Variants in ANO5 observed in about 807,000 individuals in gnomAD.
ANO5 encodes the protein anoctamin-5.
A neutral mutation model predicts 121.0 loss-of-function variants in ANO5; 109 were observed. The ratio of observed to expected loss-of-function variants is 0.90; its 90% CI spans 0.77 to 1.06. The LOEUF (loss-of-function observed/expected upper bound fraction) is 1.06, where lower values mean the gene tolerates loss of function less well. ANO5 is among the 50% of genes least tolerant of loss of function. ANO5 has a pLI of 0.00. For missense variants in ANO5, 1,064 were observed against 1,078.5 expected (o/e 0.99, Z 0.19); for synonymous variants, 406 against 359.9 (o/e 1.13, Z -1.45).
chr11:22,211,998 T>C (rs997605572), intron 3 of ANO5, among the ~76,000 whole-genome samples: 187 of 108,616 alleles, frequency 1.7e-3, no homozygotes, highest in African/African-American at 0.013. Context: ...ATTTTTACTT[T>C]TTTTTTTTTA....
intron 1 of ANO5, 120 bp from the exon 2 acceptor site, chr11:22,203,684 A>G (rs542095641): frequency 2.4e-5 from 15 of 626,664 alleles, no homozygotes; most frequent in Admixed American, 1.5e-4. Flanking sequence ...CTTTTCTTCT[A>G]GTATTTTTTC....
chr11:22,196,482 A>G (rs1482679624), intron 1 of ANO5, among the ~76,000 whole-genome samples: 2 of 147,972 alleles, frequency 1.4e-5, no homozygotes, highest in African/African-American at 5.0e-5. Context: ...AGATGTATGA[A>G]AAGTTCATTG....
intron 7 of ANO5, among the ~76,000 whole-genome samples, chr11:22,227,848 A>C (rs890020033): frequency 6.6e-6 from 1 of 152,082 alleles, no homozygotes; most frequent in African/African-American, 2.4e-5. Context: ...ATATTGGAAA[A>C]AGCAATTAAT....
chr11:22,260,529 T>A (rs1732780209), intron 15 of ANO5, among the ~76,000 whole-genome samples: 3 of 152,294 alleles, frequency 2.0e-5, no homozygotes, highest in South Asian at 4.1e-4. Context: ...ATCTTCAAAT[T>A]TGGAGTTCTC....
intron 18 of ANO5, among the ~76,000 whole-genome samples, chr11:22,272,017 T>C (rs1216409557): frequency 6.6e-6 from 1 of 152,092 alleles, no homozygotes; most frequent in Non-Finnish European, 1.5e-5. Flanking sequence ...ATAACGGAAA[T>C]TTTTTTCCTT....
chr11:22,259,911 A>G (rs1247045997), intron 15 of ANO5, among the ~76,000 whole-genome samples, 170 bp downstream of exon 15: 1 of 150,790 alleles, frequency 6.6e-6, no homozygotes, highest in Non-Finnish European at 1.5e-5. Flanking sequence ...AAGAGCCACC[A>G]TTCAAGGTCC....
At chr11:22,267,833 A>T (rs1344555262) in intron 17 of ANO5, among the ~76,000 whole-genome samples, 2 of 151,998 alleles carry the variant, frequency 1.3e-5, no homozygotes. Context: ...TGTTTTCATC[A>T]TTTAGCTCCC....
intron 7 of ANO5, among the ~76,000 whole-genome samples, chr11:22,230,752 C>G (rs1432183093): frequency 6.6e-6 from 1 of 151,854 alleles, no homozygotes; most frequent in Non-Finnish European, 1.5e-5. Flanking sequence ...TTCCCATGAA[C>G]AGCACCTCCA....
At chr11:22,251,749 AGGCACG>A in intron 12 of ANO5, among the ~76,000 whole-genome samples, 1 of 151,242 alleles carries the variant, frequency 6.6e-6, no homozygotes, top group African/African-American at 2.4e-5. Context: ...AAGGGCGGCC[AGGCACG>A]GTGGCTCATG....
intron 12 of ANO5, among the ~76,000 whole-genome samples, chr11:22,251,343 G>T (rs1172588833): frequency 6.6e-6 from 1 of 152,154 alleles, no homozygotes; most frequent in Non-Finnish European, 1.5e-5. Flanking sequence ...ATATTTTGTG[G>T]CTGGAGGATA....
chr11:22,232,347 G>T (rs1853070945), intron 7 of ANO5, among the ~76,000 whole-genome samples: 1 of 151,828 alleles, frequency 6.6e-6, no homozygotes, highest in Non-Finnish European at 1.5e-5. Flanking sequence ...ACCTGCTAAA[G>T]TCTCTGGTCT....
intron 2 of ANO5, among the ~76,000 whole-genome samples, chr11:22,207,968 T>A (rs1852169238): frequency 6.6e-6 from 1 of 151,824 alleles, no homozygotes; most frequent in South Asian, 2.1e-4. Context: ...CAAAATAAGA[T>A]CAAAGTGAGA....
At chr11:22,193,932 A>T (rs763567325) in intron 1 of ANO5, among the ~76,000 whole-genome samples, 1 of 152,206 alleles carries the variant, frequency 6.6e-6, no homozygotes, top group Non-Finnish European at 1.5e-5. Context: ...AGCAGTATAG[A>T]GTGCAAGACA....
At chr11:22,250,875 G>C (rs752352479) in intron 11 of ANO5, 29 bp downstream of exon 11, 23 of 1,610,796 alleles carry the variant, frequency 1.4e-5, no homozygotes, top group South Asian at 7.7e-5. Context: ...ATGTTGAAAA[G>C]ACTTGGAATT....
At chr11:22,264,329 A>T (rs1343380790) in intron 17 of ANO5, among the ~76,000 whole-genome samples, 1 of 151,978 alleles carries the variant, frequency 6.6e-6, no homozygotes, top group Non-Finnish European at 1.5e-5. Flanking sequence ...CTGGCCCCCA[A>T]ACTTTTATTT....
intron 4 of ANO5, among the ~76,000 whole-genome samples, chr11:22,219,014 GT>G (rs374100618): frequency 5.5e-4 from 83 of 152,178 alleles, no homozygotes; most frequent in African/African-American, 2.0e-3. Flanking sequence ...TTTATATTAT[GT>G]TTTGAGCAAA....
chr11:22,231,630 T>C (rs755467413), intron 7 of ANO5, among the ~76,000 whole-genome samples: 14 of 152,002 alleles, frequency 9.2e-5, no homozygotes, highest in Non-Finnish European at 2.1e-4. Flanking sequence ...TTTCCAACTT[T>C]TCTGATATTA....
intron 2 of ANO5, among the ~76,000 whole-genome samples, chr11:22,208,799 T>C (rs1564912813): frequency 6.6e-6 from 1 of 151,952 alleles, no homozygotes; most frequent in Admixed American, 6.6e-5. Flanking sequence ...GAAGCTATAG[T>C]TATTGCAAAA....
intron 9 of ANO5, among the ~76,000 whole-genome samples, chr11:22,247,673 T>C (rs932097860): frequency 1.3e-5 from 2 of 152,140 alleles, no homozygotes; most frequent in Non-Finnish European, 2.9e-5. Context: ...GTTACCTCTA[T>C]ACCAAACATC....
Sources: allele counts gnomAD v4.1 joint callset (sites outside exome capture counted in the v4.1 genomes callset), GRCh38; gene constraint gnomAD v4.1.1; transcripts MANE v1.5; gene names NCBI Gene and HGNC (gene_info 2026-07-23, HGNC 2026-07-21).